DHRS1: variants seen among roughly 807,000 people sequenced by gnomAD.
DHRS1 encodes dehydrogenase/reductase 1, also known as dehydrogenase/reductase SDR family member 1.
A neutral mutation model predicts 35.2 loss-of-function variants in DHRS1; 34 were observed. That is an observed-to-expected ratio of 0.97 (90% CI 0.74 to 1.29). DHRS1 has a LOEUF of 1.29. Ranked by LOEUF, DHRS1 falls within the 50% of genes most tolerant of loss-of-function variation. The pLI is 0.00. For missense variants in DHRS1, 354 were observed against 403.6 expected, an observed-to-expected ratio of 0.88 and a Z score of 1.05; for synonymous variants, 133 against 160.0, an observed-to-expected ratio of 0.83 and a Z score of 1.27.
rs777525623 is a variant in DHRS1, at chr14:24,290,993, G to C, written c.808C>G (p.Arg270Gly). Residue 270 changes from arginine to glycine, a missense_variant and splice_region_variant, in exon 9 of 9, where the codon CGC becomes GGC. By Grantham distance (125) the Arg-to-Gly change is moderately radical. Transcript: ENST00000288111. ...RRYGLRDVDG[R>G]PVQDYLSLSS... The stretch of plus-strand genomic sequence containing the variant: ...AAAGACAAATAGTCTTGGACGGGGC[G>C]GCCTGGGAACAACAGGAGGAGGAGG... 2 of 1,613,946 alleles carry C rather than the reference G, an allele frequency of 1.2e-6. No homozygotes were observed. Among genetic ancestry groups the C allele is most frequent in the African/African-American group, 2.7e-5 (2 of 74,894 alleles).
At chr14:24,296,936 C>CA in intron 2 of DHRS1, 55 bp from the exon 3 acceptor site, 1 of 1,608,738 alleles carries the variant, frequency 6.2e-7, no homozygotes, top group East Asian at 2.2e-5. Context: ...TGAGTCATGA[C>CA]AAAACTCCCC....
rs377672951 is a variant in DHRS1 at position 24,292,698 on chromosome 14, C to A, written c.461G>T (p.Ser154Ile). The A allele has an allele frequency of 6.2e-6, 10 of 1,614,118 alleles. No homozygotes were observed. Among genetic ancestry groups the A allele is most frequent in the Non-Finnish European group, 8.5e-6 (10 of 1,180,040 alleles). ...GGGGACATTGAACATATACTGCAGG[C>A]TTCCTGGGGAGGAGATGACCACGAT... ...GLIVVISSPG[S>I]LQYMFNVPYG... Residue 154 changes from serine to isoleucine, a missense_variant, in exon 5 of 9, where the codon AGC becomes ATC. Coordinates refer to ENST00000288111, the MANE Select transcript of DHRS1 (RefSeq NM_001136050.3).
Position 24,292,635 on chromosome 14 carries a change from T to A in DHRS1, c.507+17A>T. 6.2e-7 allele frequency: 1 copy of A among 1,614,236 alleles called. No individual in the cohort carries two copies. The highest frequency in any genetic ancestry group is 8.5e-7 in the Non-Finnish European group (1 of 1,180,034). ...CTGTCTTTTACCTCCTCAGCTCCTATGCCACTGGGTCCTCACCGCAGCTTT... is the reference window on the plus strand; with the variant it reads ...CTGTCTTTTACCTCCTCAGCTCCTAAGCCACTGGGTCCTCACCGCAGCTTT... On this transcript the variant is annotated intron_variant, in intron 5 of 8. Coordinates refer to ENST00000288111, the MANE Select transcript of DHRS1 (RefSeq NM_001136050.3).
rs749847093 is a variant in DHRS1, at chr14:24,296,870, G to C, written c.162C>G (p.Leu54=). 1 of 1,614,188 alleles carries C rather than the reference G, an allele frequency of 6.2e-7. No homozygotes were observed. Among genetic ancestry groups the C allele is most frequent in the Non-Finnish European group, 8.5e-7 (1 of 1,180,028 alleles). Residue 54 remains leucine, a synonymous_variant, in exon 3 of 9, where the codon CTC becomes CTG. Transcript: ENST00000288111. The part of the protein sequence containing the change: ...LRVVAQEAQS[L]GGQCVPVVCD... ...ACACCACAGGCACACATTGGCCCCC[G>C]AGGGATTGTGCCTGGAGTAGGACAG...
intron 1 of DHRS1, 134 bp from the exon 2 acceptor site, chr14:24,299,264 G>C: frequency 2.4e-6 from 2 of 828,956 alleles, no homozygotes; most frequent in Non-Finnish European, 1.8e-6. Flanking sequence ...GGGGAGAGGA[G>C]TCAGAGGCTG....
At position 24,293,589 on chromosome 14, in the gene DHRS1, TAAAA is replaced by T. The variant is rs1289045212; in HGVS notation, c.375-809_375-806del. 1.3e-3 allele frequency: 200 copies of T among 151,284 alleles called. 1 individual carries two copies. Among genetic ancestry groups the T allele is most frequent in the African/African-American group, 4.6e-3 (191 of 41,240 alleles). 9.4% of individuals were successfully genotyped at this position (151,284 alleles called of 1,614,324 possible). On this transcript the variant is annotated intron_variant, in intron 4 of 8. Coordinates refer to ENST00000288111, the MANE Select transcript of DHRS1 (RefSeq NM_001136050.3). ...ATTGTCTCAAAAATAAATAAATAAA[TAAAA>T]AGAAAGAGAACAGCCAGGAAAATTC...
At position 24,290,916 on chromosome 14, in the gene DHRS1, C is replaced by T; in HGVS notation, c.885G>A (p.Leu295=). Residue 295 remains leucine (L), a synonymous_variant, in exon 9 of 9, where the codon CTG becomes CTA. Coordinates refer to ENST00000288111, the MANE Select transcript of DHRS1 (RefSeq NM_001136050.3). ...ACTTGGGCACACGGAGGAAGGAGGGCAGGTAGGAGGCCAGCCAGCCCAGGC... is the reference window on the plus strand; with the variant it reads ...ACTTGGGCACACGGAGGAAGGAGGGTAGGTAGGAGGCCAGCCAGCCCAGGC... The part of the protein sequence containing the change: ...VSGLGWLASY[L]PSFLRVPKWI... The T allele has an allele frequency of 6.2e-7, 1 of 1,613,924 alleles. No homozygotes were observed.
rs2041317982 is a variant in DHRS1, at chr14:24,299,065, A to AC, written c.41dup (p.Ala15CysfsTer56). ...TGCCACGGCCAATACCCCTGGAGGC[A>AC]CCAGTCACCACACACACTTGGCCAT... On this transcript the variant is annotated frameshift_variant, in exon 2 of 9. Coordinates refer to ENST00000288111, the MANE Select transcript of DHRS1 (RefSeq NM_001136050.3). LOFTEE classifies it high-confidence loss of function. 6.2e-7 allele frequency: 1 copy of AC among 1,614,046 alleles called. No homozygotes were observed. Among genetic ancestry groups the AC allele is most frequent in the African/African-American group, 1.3e-5 (1 of 75,060 alleles).
chr14:24,292,003 G>T (rs1253051082), intron 6 of DHRS1, 181 bp downstream of exon 6: 2 of 779,624 alleles, frequency 2.6e-6, no homozygotes, highest in Admixed American at 5.6e-5. Context: ...TTTCAGTTTT[G>T]CCATCTGTAG....
Position 24,297,588 on chromosome 14 carries a change from C to G in DHRS1, c.151-707G>C, listed in dbSNP as rs143368705. The stretch of plus-strand genomic sequence containing the variant: ...CTGCCTTAAATTAATTCTTCATAAT[C>G]CAGCCAGTACGACCTATCTAAAACA... On this transcript the variant is annotated intron_variant, in intron 2 of 8. Transcript: ENST00000288111. Among the ~76,000 whole-genome samples the G allele has an allele frequency of 1.2e-3, 177 of 152,314 alleles. 1 individual carries two copies. The highest frequency in any genetic ancestry group is 4.1e-3 in the African/African-American group (171 of 41,562).
At position 24,291,167 on chromosome 14, in the gene DHRS1, A is replaced by C. The variant is rs2295309; in HGVS notation, c.777T>G (p.Ala259=). The C allele has an allele frequency of 4.5e-4, 732 of 1,614,172 alleles. 13 individuals carry two copies. In the East Asian group the frequency reaches 0.016, roughly 36 times the overall value. Reference sequence around the variant, plus strand: ...CCACATCCCGAAGGCCATAGCGTCGAGCAAGGTCACAGGATGGCAGCACCT... The same window carrying C: ...CCACATCCCGAAGGCCATAGCGTCGCGCAAGGTCACAGGATGGCAGCACCT... The part of the protein sequence containing the change: ...SGKVLPSCDL[A]RRYGLRDVDG... Residue 259 remains alanine, a synonymous_variant, in exon 8 of 9, where the codon GCT becomes GCG. Transcript: ENST00000288111.
In DHRS1 at chr14:24,290,708, AC is replaced by A; in HGVS notation, c.*150del. ...AGGCACAAAGAAGGGACCTAGGCGC[AC>A]CCCAGAACTCACCACGGACACACAG... On this transcript the variant is annotated 3_prime_UTR_variant, in exon 9 of 9. Coordinates refer to ENST00000288111, the MANE Select transcript of DHRS1 (RefSeq NM_001136050.3). The A allele has an allele frequency of 2.2e-6, 2 of 919,308 alleles. No homozygotes were observed. Among genetic ancestry groups the A allele is most frequent in the Non-Finnish European group, 1.6e-6 (1 of 609,418 alleles). The allele number at this position is 919,308 out of a possible 1,614,324, so 56.9% of individuals were successfully genotyped here.
intron 2 of DHRS1, among the ~76,000 whole-genome samples, chr14:24,297,496 C>T (rs946435797): frequency 2.6e-5 from 4 of 152,188 alleles, no homozygotes; most frequent in Non-Finnish European, 5.9e-5. Flanking sequence ...TCTGGGTCCC[C>T]GCCTATTACC....
rs144351742 is a variant in DHRS1, at chr14:24,292,315, C to G, written c.523G>C (p.Ala175Pro). 130 of 1,613,962 alleles carry G rather than the reference C, an allele frequency of 8.1e-5. No homozygotes were observed. The highest frequency in any genetic ancestry group is 1.0e-4 in the Non-Finnish European group (123 of 1,180,036). Residue 175 changes from alanine (A) to proline (P), a missense_variant, in exon 6 of 9, where the codon GCT becomes CCT. Ala to Pro is a conservative substitution (Grantham distance 27, BLOSUM62 -1). Transcript: ENST00000288111. ...CGCCGCAGCTCGTGGGCACAGTCAG[C>G]AGCCAGCTTGTCACACTGTGGAGAG... is the stretch of plus-strand genomic sequence containing the variant. ...VGKAACDKLA[A>P]DCAHELRRHG...
chr14:24,297,440 A>C (rs2041269779), intron 2 of DHRS1, among the ~76,000 whole-genome samples: 1 of 152,244 alleles, frequency 6.6e-6, no homozygotes, highest in Non-Finnish European at 1.5e-5. Flanking sequence ...CAGAGGAAGA[A>C]GAGTCCTTTA....
In DHRS1 at chr14:24,299,123, A is replaced by C; in HGVS notation, c.-17T>G. The C allele has an allele frequency of 6.2e-7, 1 of 1,606,756 alleles. No individual in the cohort carries two copies. The highest frequency in any genetic ancestry group is 1.7e-5 in the Admixed American group (1 of 59,762). ...AGCTGCCATGACTCACAGGCAAAGG[A>C]GGCAGGTCTGTGGAAGCAAAGACTT... On this transcript the variant is annotated 5_prime_UTR_variant, in exon 2 of 9. Coordinates refer to ENST00000288111, the MANE Select transcript of DHRS1 (RefSeq NM_001136050.3).
intron 7 of DHRS1, 100 bp downstream of exon 7, chr14:24,291,456 T>A (rs553310536): frequency 5.3e-6 from 7 of 1,321,066 alleles, no homozygotes; most frequent in Non-Finnish European, 7.7e-6. Context: ...AAGAATGACA[T>A]GTTCCTCAAC....
intron 6 of DHRS1, 79 bp downstream of exon 6, chr14:24,292,105 G>A: frequency 1.3e-6 from 2 of 1,556,872 alleles, no homozygotes; most frequent in South Asian, 2.3e-5. Flanking sequence ...CCTGGTGAGT[G>A]GGAGTATCTG....
At chr14:24,293,911 A>G (rs1311867319) in intron 4 of DHRS1, 1 of 152,274 alleles carries the variant, frequency 6.6e-6, no homozygotes, top group Non-Finnish European at 1.5e-5. Flanking sequence ...TGATAAGTCA[A>G]TGAAACAAAA....
Sources: allele counts gnomAD v4.1 joint callset (sites outside exome capture counted in the v4.1 genomes callset), GRCh38; gene constraint gnomAD v4.1.1; transcripts MANE v1.5; gene names NCBI Gene and HGNC (gene_info 2026-07-23, HGNC 2026-07-21).